Variants in PTPRD observed in about 807,000 individuals in gnomAD.
PTPRD encodes the protein protein tyrosine phosphatase receptor type D.
In PTPRD, 34 loss-of-function variants were observed where a neutral mutation model predicts 214.5. That is an observed-to-expected ratio of 0.16 (90% CI 0.12 to 0.21). PTPRD has a LOEUF of 0.21. Ranked by LOEUF, PTPRD falls within the 10% of genes least tolerant of loss-of-function variation. The probability of loss-of-function intolerance (pLI) is 1.00; values close to 1 mark genes in which losing one functional copy is unlikely to be tolerated. For missense variants in PTPRD, 2,545 were observed against 2,398.7 expected, an observed-to-expected ratio of 1.06 and a Z score of -1.27; for synonymous variants, 1,128 against 845.7, an observed-to-expected ratio of 1.33 and a Z score of -5.79.
chr9:9,958,202 T>C (rs1035647679), intron 4 of PTPRD, among the ~76,000 whole-genome samples: 12 of 152,214 alleles, frequency 7.9e-5, no homozygotes, highest in Non-Finnish European at 1.8e-4. Context: ...AAACAATCTA[T>C]GAAACAAAGA....
intron 2 of PTPRD, among the ~76,000 whole-genome samples, chr9:10,526,600 C>G (rs966151870): frequency 5.3e-5 from 8 of 152,076 alleles, no homozygotes; most frequent in African/African-American, 1.9e-4. Context: ...TCTTCATTCT[C>G]TGATATTCCT....
chr9:9,674,288 A>T (rs2096887788), intron 7 of PTPRD, among the ~76,000 whole-genome samples: 1 of 151,796 alleles, frequency 6.6e-6, no homozygotes, highest in African/African-American at 2.4e-5. Flanking sequence ...TAAACTTTGC[A>T]ATGTATATTT....
chr9:9,975,350 A>G (rs1348809499), intron 4 of PTPRD, among the ~76,000 whole-genome samples: 1 of 152,190 alleles, frequency 6.6e-6, no homozygotes, highest in African/African-American at 2.4e-5. Context: ...CTTTGCTTTC[A>G]CTATTATCCT....
rs188697824 is a variant in PTPRD, at chr9:8,719,146, G to A, written c.64+14634C>T. 1.1e-4 allele frequency among the ~76,000 whole-genome samples: 17 copies of A among 152,138 alleles called. No homozygotes were observed. The East Asian group carries it at 1.4e-3, about 12-fold the overall frequency. On this transcript the variant is annotated intron_variant, in intron 12 of 45. Transcript: ENST00000381196. Reference sequence around the variant, plus strand: ...TTTCCTCTTTTTTAAGATGTTCATAGCTCCAAATGTCAGGCACACCGTGCA... The same window carrying A: ...TTTCCTCTTTTTTAAGATGTTCATAACTCCAAATGTCAGGCACACCGTGCA...
At position 10,467,376 on chromosome 9, in the gene PTPRD, C is replaced by T. The variant is rs114780035; in HGVS notation, c.-599-126359G>A. The stretch of plus-strand genomic sequence containing the variant: ...AAGTTGTTTTCCTATCATATTATTA[C>T]GAATATGATGATAACCAAAATTATT... On this transcript the variant is annotated intron_variant, in intron 2 of 45. Coordinates refer to ENST00000381196, the MANE Select transcript of PTPRD (RefSeq NM_002839.4). 3.2e-3 allele frequency among the ~76,000 whole-genome samples: 480 copies of T among 152,182 alleles called. 3 individuals are homozygous for T. The highest frequency in any genetic ancestry group is 0.011 in the African/African-American group (454 of 41,540).
At chr9:8,592,982 T>G (rs1051855593) in intron 14 of PTPRD, among the ~76,000 whole-genome samples, 1 of 152,128 alleles carries the variant, frequency 6.6e-6, no homozygotes, top group Admixed American at 6.6e-5. Context: ...ATAAGGGCAG[T>G]ACATTTGGGA....
intron 5 of PTPRD, among the ~76,000 whole-genome samples, chr9:9,816,479 A>T (rs2048812310): frequency 1.3e-5 from 2 of 152,078 alleles, no homozygotes; most frequent in Non-Finnish European, 2.9e-5. Context: ...TCACTATTTG[A>T]ACAATATAAT....
intron 12 of PTPRD, among the ~76,000 whole-genome samples, chr9:8,702,613 CAATT>C (rs2098114390): frequency 6.6e-6 from 1 of 152,062 alleles, no homozygotes; most frequent in African/African-American, 2.4e-5. Flanking sequence ...ATAAGAGGTG[CAATT>C]TTTTGGGTTT....
intron 5 of PTPRD, among the ~76,000 whole-genome samples, chr9:9,781,074 G>T (rs2098839375): frequency 6.6e-6 from 1 of 152,138 alleles, no homozygotes; most frequent in Admixed American, 6.5e-5. Flanking sequence ...GGGGTTTTCA[G>T]GGCAGTGAAA....
intron 3 of PTPRD, among the ~76,000 whole-genome samples, chr9:10,081,366 G>A (rs796240597): frequency 3.9e-5 from 6 of 152,122 alleles, no homozygotes; most frequent in South Asian, 2.1e-4. Flanking sequence ...TGGACTGAAC[G>A]CTTGTATCCC....
At chr9:9,364,145 G>A (rs1170376599) in intron 9 of PTPRD, among the ~76,000 whole-genome samples, 1 of 151,266 alleles carries the variant, frequency 6.6e-6, no homozygotes. Context: ...AATTAGCTTT[G>A]GGAATAGAAA....
chr9:8,405,928 AACTC>A (rs1454681914), intron 35 of PTPRD, among the ~76,000 whole-genome samples: 3 of 151,964 alleles, frequency 2.0e-5, no homozygotes, highest in African/African-American at 7.3e-5. Flanking sequence ...ACAACAGTAA[AACTC>A]ACAAGTGTCA....
chr9:10,127,508 A>C (rs2098828759), intron 3 of PTPRD, among the ~76,000 whole-genome samples: 1 of 152,210 alleles, frequency 6.6e-6, no homozygotes, highest in Admixed American at 6.5e-5. Context: ...TTTCTCTCTC[A>C]GCTTTAAATT....
At chr9:9,580,216 G>A (rs966455238) in intron 7 of PTPRD, among the ~76,000 whole-genome samples, 1 of 152,072 alleles carries the variant, frequency 6.6e-6, no homozygotes, top group African/African-American at 2.4e-5. Flanking sequence ...TTTCCTTCGG[G>A]TATATATCAA....
chr9:10,533,478 C>T (rs189176248), intron 2 of PTPRD, among the ~76,000 whole-genome samples: 2 of 151,974 alleles, frequency 1.3e-5, no homozygotes, highest in Admixed American at 1.3e-4. Context: ...TCAGCTGTCT[C>T]GCTGAGTCTT....
intron 11 of PTPRD, among the ~76,000 whole-genome samples, chr9:8,765,154 A>T (rs1015598660): frequency 6.6e-6 from 1 of 152,190 alleles, no homozygotes; most frequent in African/African-American, 2.4e-5. Context: ...TACGATTTAA[A>T]CATATGTGTA....
chr9:8,563,539 C>T (rs2087405159), intron 14 of PTPRD, among the ~76,000 whole-genome samples: 1 of 149,810 alleles, frequency 6.7e-6, no homozygotes, highest in African/African-American at 2.5e-5. Flanking sequence ...TGGGTTCAAG[C>T]AATTCTCCTG....
chr9:9,016,689 T>C (rs1454601421), intron 11 of PTPRD, among the ~76,000 whole-genome samples: 1 of 152,086 alleles, frequency 6.6e-6, no homozygotes, highest in East Asian at 1.9e-4. Context: ...TAATGTTGAA[T>C]CACAAGTACA....
At chr9:8,500,558 G>GAAAAAAAAAAAAAAAAAAAAAAAAAAAAA (rs146807692) in intron 24 of PTPRD, among the ~76,000 whole-genome samples, 196 bp downstream of exon 24, 1 of 14,308 alleles carries the variant, frequency 7.0e-5, no homozygotes, top group African/African-American at 3.1e-4. Flanking sequence ...TGAAAAAAAT[G>GAAAAAAAAAAAAAAAAAAAAAAAAAAAAA]AAAAAAAAAA....
Sources: gnomAD v4.1 joint callset for allele counts (sites outside exome capture counted in the v4.1 genomes callset) on GRCh38, gnomAD v4.1.1 for gene constraint, MANE v1.5 for transcripts, NCBI Gene and HGNC (gene_info 2026-07-23, HGNC 2026-07-21) for gene names.